Variants in SPG11 observed in about 807,000 individuals in gnomAD.
SPG11 encodes SPG11 vesicle trafficking associated, spatacsin, also known as spatacsin.
Under a neutral mutation model 274.0 loss-of-function variants are expected in SPG11, and 222 were observed. That is an observed-to-expected ratio of 0.81 (90% CI 0.73 to 0.91). The LOEUF (loss-of-function observed/expected upper bound fraction) is 0.91. SPG11 is among the 40% of genes least tolerant of loss of function. SPG11 has a pLI of 0.00. For missense variants in SPG11, 3,114 were observed against 2,872.7 expected (o/e 1.08, Z -1.92); for synonymous variants, 1,144 against 1,039.7 (o/e 1.10, Z -1.93).
Position 44,570,671 on chromosome 15 carries a change from G to T in SPG11, c.6344-13C>A, listed in dbSNP as rs565057074. 5 of 1,613,090 alleles carry T rather than the reference G, an allele frequency of 3.1e-6. No homozygotes were observed. The South Asian group carries it at 4.4e-5, about 14-fold the overall frequency. On this transcript the variant is annotated splice_polypyrimidine_tract_variant and intron_variant, in intron 33 of 39. Transcript: ENST00000261866. ...AGGAGCTCTGTGGCTGGGAGGGTGG[G>T]CACTGGTAAGATAAGATTATGAACC...
chr15:44,654,763 G>C (rs111820506), intron 4 of SPG11, among the ~76,000 whole-genome samples: 1 of 152,020 alleles, frequency 6.6e-6, no homozygotes, highest in African/African-American at 2.4e-5. Flanking sequence ...TTGAACCCAG[G>C]AGGCGGAGGG....
At chr15:44,587,114 G>A (rs1027714924) in intron 28 of SPG11, among the ~76,000 whole-genome samples, 1 of 152,168 alleles carries the variant, frequency 6.6e-6, no homozygotes, top group Admixed American at 6.5e-5. Flanking sequence ...AAGAGGGATC[G>A]CTTGAGGCCA....
At chr15:44,634,964 A>C (rs1167381349) in intron 7 of SPG11, among the ~76,000 whole-genome samples, 1 of 151,868 alleles carries the variant, frequency 6.6e-6, no homozygotes, top group Non-Finnish European at 1.5e-5. Context: ...CATGCCTGTA[A>C]TCCCAGCTTG....
In SPG11 at chr15:44,629,320, G is replaced by C; in HGVS notation, c.1804C>G (p.Gln602Glu). ...SAIRESYSEP[Q>E]SKHFSEQLLN... ...AATTGTTCTGAAAAGTGTTTGCTTTGGGGTTCAGAATAACTTTCTCTAATT... is the reference window on the plus strand; with the variant it reads ...AATTGTTCTGAAAAGTGTTTGCTTTCGGGTTCAGAATAACTTTCTCTAATT... The change falls in exon 9 of 40, where the codon CAA (glutamine) becomes GAA (glutamate). Residue 602 changes from glutamine to glutamate, a missense_variant. Coordinates refer to ENST00000261866, the MANE Select transcript of SPG11 (RefSeq NM_025137.4). 6.2e-7 allele frequency: 1 copy of C among 1,614,070 alleles called. No homozygotes were observed. The highest frequency in any genetic ancestry group is 1.3e-5 in the African/African-American group (1 of 75,058).
At chr15:44,641,624 C>CACACACAG (rs1222299242) in intron 7 of SPG11, among the ~76,000 whole-genome samples, 2 of 151,030 alleles carry the variant, frequency 1.3e-5, no homozygotes, top group Non-Finnish European at 3.0e-5. Context: ...CACACACACA[C>CACACACAG]ACACACACAA....
rs770388093 is a variant in SPG11 at position 44,651,861 on chromosome 15, C to G, written c.1086G>C (p.Trp362Cys). 1.2e-6 allele frequency: 2 copies of G among 1,613,738 alleles called. No homozygotes were observed. Among genetic ancestry groups the G allele is most frequent in the Non-Finnish European group, 1.7e-6 (2 of 1,179,808 alleles). Residue 362 changes from tryptophan (W) to cysteine (C), a missense_variant, in exon 6 of 40, where the codon TGG (tryptophan) becomes TGC (cysteine). By Grantham distance (215) the Trp-to-Cys change is radical. Transcript: ENST00000261866. ...SKLEVSCCAP[W>C]FQDILHLESP... ...ACTCCAAATGCAAAATATCCTGGAACCATGGAGCACAACAGGAAACCTCCA... is the reference window on the plus strand; with the variant it reads ...ACTCCAAATGCAAAATATCCTGGAAGCATGGAGCACAACAGGAAACCTCCA...
Position 44,585,782 on chromosome 15 carries a change from T to C in SPG11, c.4975A>G (p.Thr1659Ala). 6.2e-7 allele frequency: 1 copy of C among 1,614,070 alleles called. No individual in the cohort carries two copies. Among genetic ancestry groups the C allele is most frequent in the South Asian group, 1.1e-5 (1 of 91,082 alleles). The stretch of plus-strand genomic sequence containing the variant: ...TCAATGCTGTAGCTGGTAATAATTG[T>C]ATGATTAATGGCTATGGATGTATCC... ...LKDTSIAINH[T>A]IITSYSIENL... is the part of the protein sequence containing the mutation. The change falls in exon 29 of 40, where the codon ACA becomes GCA. Residue 1659 changes from threonine (T) to alanine (A), a missense_variant. Thr to Ala is a moderately conservative substitution (Grantham distance 58). Coordinates refer to ENST00000261866, the MANE Select transcript of SPG11 (RefSeq NM_025137.4).
chr15:44,602,408 T>C (rs1461295162), intron 20 of SPG11, among the ~76,000 whole-genome samples: 1 of 152,104 alleles, frequency 6.6e-6, no homozygotes, highest in Non-Finnish European at 1.5e-5. Context: ...TTGTTGAGAG[T>C]TTTTATTATG....
chr15:44,602,611 T>C (rs1355142690), intron 20 of SPG11, among the ~76,000 whole-genome samples: 3 of 151,850 alleles, frequency 2.0e-5, no homozygotes, highest in Non-Finnish European at 4.4e-5. Flanking sequence ...CCCAAGTAGG[T>C]GGGACTACAG....
chr15:44,592,246 C>A, intron 27 of SPG11, 85 bp downstream of exon 27: 1 of 816,254 alleles, frequency 1.2e-6, no homozygotes, highest in Non-Finnish European at 2.2e-6. Context: ...GAGTGAGACA[C>A]CAAGTCTTTA....
In SPG11 at chr15:44,584,016, A is replaced by G. The variant is rs886051181; in HGVS notation, c.5664T>C (p.Asp1888=). Residue 1888 remains aspartate (D), a synonymous_variant, in exon 30 of 40, where the codon GAT becomes GAC. Transcript: ENST00000261866. ...CTCTACTTGCTTCATGCACACAGCC[A>G]TCATCCAGTAGGCGCCCAATCAAAA... ...LNFLIGRLLD[D]GCVHEASRVC... 6.2e-7 allele frequency: 1 copy of G among 1,614,260 alleles called. No homozygotes were observed. Among genetic ancestry groups the G allele is most frequent in the Non-Finnish European group, 8.5e-7 (1 of 1,180,038 alleles).
chr15:44,658,286 T>C (rs191623991), intron 3 of SPG11, among the ~76,000 whole-genome samples: 2 of 152,230 alleles, frequency 1.3e-5, no homozygotes, highest in East Asian at 3.9e-4. Flanking sequence ...ATTTGTCAAA[T>C]CTTCAGAATA....
At chr15:44,649,114 C>CAAATAT in intron 6 of SPG11, 103 bp from the exon 7 acceptor site, 1 of 853,814 alleles carries the variant, frequency 1.2e-6, no homozygotes, top group Non-Finnish European at 1.9e-6. Flanking sequence ...ACTATAATTA[C>CAAATAT]AAATATATTT....
intron 19 of SPG11, among the ~76,000 whole-genome samples, chr15:44,606,462 A>G (rs1216643732): frequency 6.0e-5 from 9 of 151,182 alleles, no homozygotes; most frequent in East Asian, 2.1e-4. Context: ...GGTAAACATG[A>G]TAAGATGAGC....
intron 7 of SPG11, among the ~76,000 whole-genome samples, chr15:44,636,086 A>G (rs1456370656): frequency 6.6e-6 from 1 of 152,116 alleles, no homozygotes; most frequent in Non-Finnish European, 1.5e-5. Flanking sequence ...TCTACAGGTC[A>G]TGGTGAGCTG....
chr15:44,619,262 C>T (rs990999427), intron 15 of SPG11, among the ~76,000 whole-genome samples: 4 of 152,074 alleles, frequency 2.6e-5, no homozygotes, highest in Non-Finnish European at 5.9e-5. Flanking sequence ...GAAAATAATA[C>T]ATAAAAATAT....
intron 21 of SPG11, chr15:44,600,235 T>G (rs139954516): frequency 2.1e-6 from 1 of 477,110 alleles, no homozygotes; most frequent in African/African-American, 1.9e-5. Flanking sequence ...TCAATGTACA[T>G]GTAAAACATT....
chr15:44,608,073 G>C (rs1372714751), intron 19 of SPG11, among the ~76,000 whole-genome samples: 1 of 152,060 alleles, frequency 6.6e-6, no homozygotes, highest in Admixed American at 6.6e-5. Flanking sequence ...ATGGGAAGAG[G>C]GAAGAAGCCA....
chr15:44,584,197 G>C lies in SPG11; in HGVS notation c.5483C>G (p.Thr1828Ser). ...TEPRFSRQIS[T>S]SGELSFDSLA... is the part of the protein sequence containing the mutation. ...ACTATCAAAGGAAAGTTCACCACTAGTTGAGATCTGTCGAGAAAATCTGGG... is the reference window on the plus strand; with the variant it reads ...ACTATCAAAGGAAAGTTCACCACTACTTGAGATCTGTCGAGAAAATCTGGG... The change falls in exon 30 of 40, where the codon ACT (threonine) becomes AGT (serine). Residue 1828 changes from threonine to serine, a missense_variant. Transcript: ENST00000261866. 1 of 1,614,218 alleles carries C rather than the reference G, an allele frequency of 6.2e-7. No homozygotes were observed. Among genetic ancestry groups the C allele is most frequent in the East Asian group, 2.2e-5 (1 of 44,890 alleles).
Sources: allele counts gnomAD v4.1 joint callset (sites outside exome capture counted in the v4.1 genomes callset), GRCh38; gene constraint gnomAD v4.1.1; transcripts MANE v1.5; gene names NCBI Gene and HGNC (gene_info 2026-07-23, HGNC 2026-07-21).